The following ADGRD2 variants were observed in gnomAD, a reference collection of about 807,000 sequenced individuals.
ADGRD2 encodes the protein adhesion G protein-coupled receptor D2, also known as G protein-coupled receptor PGR24.
Under a neutral mutation model 44.4 loss-of-function variants are expected in ADGRD2, and 71 were observed. That is an observed-to-expected ratio of 1.60 (90% CI 1.32 to 1.95). The LOEUF is 1.95. Ranked by LOEUF, ADGRD2 falls within the 30% of genes most tolerant of loss-of-function variation. ADGRD2 has a pLI of 0.00. For missense variants in ADGRD2, 1,039 were observed against 512.4 expected (o/e 2.03, Z -9.92); for synonymous variants, 481 against 224.8 (o/e 2.14, Z -10.19).
rs1831986512 is a variant in ADGRD2, at chr9:124,473,284, G to A, written c.2759-2162G>A. On this transcript the variant is annotated intron_variant, in intron 17 of 21. Coordinates refer to ENST00000334810, the Ensembl canonical transcript of ADGRD2. Reference sequence around the variant, plus strand: ...CATTCACTCTCTAGGAGTAATTTGTGTCCTTCTGGCCACTGTGCCGGGTTG... The same window carrying A: ...CATTCACTCTCTAGGAGTAATTTGTATCCTTCTGGCCACTGTGCCGGGTTG... 2.0e-5 allele frequency among the ~76,000 whole-genome samples: 3 copies of A among 152,242 alleles called. No individual in the cohort carries two copies. The South Asian group carries it at 6.2e-4, about 31-fold the overall frequency.
intron 2 of ADGRD2, 30 bp downstream of exon 5, chr9:124,452,752 A>G (rs1243667270): frequency 1.4e-6 from 1 of 699,922 alleles, no homozygotes; most frequent in East Asian, 2.7e-5. Flanking sequence ...AAATGGGAGC[A>G]AGGGGCAGAG....
In ADGRD2 at chr9:124,452,485, C is replaced by T. The variant is rs116795629; in HGVS notation, c.69-25C>T. ...GTCAGATGCCCACAAAATGCACCCC[C>T]CACCGTCTCTCTTATCGTTTTTAGC... On this transcript the variant is annotated intron_variant, in intron 1 of 21. Coordinates refer to ENST00000334810, the Ensembl canonical transcript of ADGRD2. 1.8e-3 allele frequency: 1,289 copies of T among 718,352 alleles called. 13 individuals carry two copies. The African/African-American group carries it at 0.021, about 12-fold the overall frequency. The allele number at this position is 718,352 out of a possible 1,614,324, so 44.5% of individuals were successfully genotyped here. A position where few individuals can be genotyped will look rare whatever the true frequency, so the allele number is the denominator to read the frequency against.
intron 16 of ADGRD2, among the ~76,000 whole-genome samples, chr9:124,469,994 G>A (rs1199512683): frequency 6.6e-6 from 1 of 152,132 alleles, no homozygotes; most frequent in African/African-American, 2.4e-5. Flanking sequence ...TCGCCCTCTG[G>A]GGTCACACTC....
At chr9:124,458,044 C>A (rs963231960) in intron 8 of ADGRD2, 69 bp from the exon 12 acceptor site, 2 of 711,348 alleles carry the variant, frequency 2.8e-6, no homozygotes, top group African/African-American at 3.5e-5. Flanking sequence ...AGAGCATCAC[C>A]CTCGGGGCCA....
chr9:124,453,062 T>A (rs767646434), exon 3 of ADGRD2: 1 of 676,014 alleles, frequency 1.5e-6, no homozygotes, highest in South Asian at 1.6e-5. Flanking sequence ...GTGCTGGTGT[T>A]CGACGAGAGG....
At chr9:124,474,300 AG>A (rs1832005975) in intron 17 of ADGRD2, among the ~76,000 whole-genome samples, 2 of 135,338 alleles carry the variant, frequency 1.5e-5, no homozygotes, top group Non-Finnish European at 3.2e-5. Flanking sequence ...AAAAAAAAAG[AG>A]CTCAGATTTT....
At chr9:124,457,477 G>A in exon 8 of ADGRD2, 2 of 627,620 alleles carry the variant, frequency 3.2e-6, no homozygotes, top group Non-Finnish European at 5.8e-6. Context: ...CCCAGGCCTG[G>A]AGGTGCGGAG....
chr9:124,453,879 C>T, intron 3 of ADGRD2, 120 bp from the exon 7 acceptor site: 1 of 597,620 alleles, frequency 1.7e-6, no homozygotes, highest in Non-Finnish European at 3.0e-6. Flanking sequence ...CTTACCCCCA[C>T]CCCGAGCTGG....
chr9:124,460,778 T>A (rs993981767), intron 10 of ADGRD2, among the ~76,000 whole-genome samples: 1 of 152,210 alleles, frequency 6.6e-6, no homozygotes, highest in Non-Finnish European at 1.5e-5. Context: ...CATATACAAG[T>A]CTTTTTGTGG....
At chr9:124,468,446 G>C (rs1831875381) in intron 13 of ADGRD2, 73 bp from the exon 17 acceptor site, 1 of 713,936 alleles carries the variant, frequency 1.4e-6, no homozygotes, top group Non-Finnish European at 2.6e-6. Context: ...GGCCGGGCTG[G>C]GCATGGGCCG....
At chr9:124,452,592 C>G in exon 2 of ADGRD2, 1 of 718,490 alleles carries the variant, frequency 1.4e-6, no homozygotes, top group South Asian at 1.5e-5. Flanking sequence ...GGTGGCAGGC[C>G]CAAGAGTCCT....
At position 124,454,541 on chromosome 9, in the gene ADGRD2, G is replaced by A. The variant is rs370028287; in HGVS notation, c.1082G>A (p.Arg361Gln). 21 of 717,078 alleles carry A rather than the reference G, an allele frequency of 2.9e-5. No homozygotes were observed. The highest frequency in any genetic ancestry group is 8.7e-5 in the African/African-American group (5 of 57,244). 44.4% of individuals were successfully genotyped at this position (717,078 alleles called of 1,614,324 possible). ...TGGCCTGGCCAGGATGTTATCAGCC[G>A]AGTCAATGCCTTGGCCAACGACATT... Residue 361 changes from arginine (R) to glutamine (Q), a missense_variant, in exon 5 of 22, where the codon CGA becomes CAA. Physicochemically the swap from Arg to Gln is conservative, Grantham distance 43. Transcript: ENST00000334810. This position sits in a 1 kb window ranked among gnomAD's most constrained non-coding sequence, Gnocchi z 4.5.
exon 10 of ADGRD2, chr9:124,458,696 C>G (rs1831667475): frequency 1.4e-6 from 1 of 718,474 alleles, no homozygotes; most frequent in South Asian, 1.5e-5. Context: ...GTGGCCATGA[C>G]CTTTCATCTC....
At position 124,456,655 on chromosome 9, in the gene ADGRD2, G is replaced by T. The variant is rs374408358; in HGVS notation, c.1429G>T (p.Val477Leu). The T allele has an allele frequency of 7.0e-6, 5 of 717,650 alleles. No individual in the cohort carries two copies. The African/African-American group carries it at 8.7e-5, about 13-fold the overall frequency. 44.5% of individuals were successfully genotyped at this position (717,650 alleles called of 1,614,324 possible). ...TGGGCCTATGGCCCTGGTGGCGAGTGTGCAGCGCCTGGCACCCCTGCTGAG... is the reference window on the plus strand; with the variant it reads ...TGGGCCTATGGCCCTGGTGGCGAGTTTGCAGCGCCTGGCACCCCTGCTGAG... The change falls in exon 7 of 22, where the codon GTG becomes TTG. Residue 477 changes from valine (V) to leucine (L), a missense_variant. Physicochemically the swap from Val to Leu is conservative, Grantham distance 32. Transcript: ENST00000334810.
chr9:124,451,307 A>C (rs1272214662), upstream of ADGRD2: 1 of 450,002 alleles, frequency 2.2e-6, no homozygotes, highest in African/African-American at 2.0e-5. Flanking sequence ...CGCTGCAGGG[A>C]CCCTGAGCTC....
chr9:124,455,735 C>T (rs906031069), intron 6 of ADGRD2, among the ~76,000 whole-genome samples: 3 of 152,166 alleles, frequency 2.0e-5, no homozygotes, highest in African/African-American at 7.2e-5. Context: ...GACAGTCCAC[C>T]TTGTCTGCCT....
chr9:124,452,992 C>A (rs868567126), intron 2 of ADGRD2, 43 bp from the exon 6 acceptor site: 1 of 626,462 alleles, frequency 1.6e-6, no homozygotes. Context: ...GGACCATGTG[C>A]ACAGGTGAGG....
At chr9:124,458,077 C>G (rs1334975012) in intron 8 of ADGRD2, 36 bp from the exon 12 acceptor site, 2 of 717,848 alleles carry the variant, frequency 2.8e-6, no homozygotes, top group Non-Finnish European at 5.2e-6. Flanking sequence ...TGCCCAGCCA[C>G]CGGGTGGTGC....
rs75022781 is a variant in ADGRD2, at chr9:124,468,327, G to A, written c.2233+137G>A. 5,106 of 678,318 alleles carry A rather than the reference G, an allele frequency of 7.5e-3. 110 individuals carry two copies. Among genetic ancestry groups the A allele is most frequent in the East Asian group, 0.059 (2,194 of 37,070 alleles). The allele number at this position is 678,318 out of a possible 1,614,324, so 42.0% of individuals were successfully genotyped here. ...GGGGAGGAGCAGGGCCCGGGGAGGA[G>A]CAGGGCCCCGGGAGGAAAGGGCCCT... On this transcript the variant is annotated intron_variant, in intron 13 of 21. Transcript: ENST00000334810.
Sources: allele counts gnomAD v4.1 joint callset (sites outside exome capture counted in the v4.1 genomes callset), GRCh38; gene constraint gnomAD v4.1.1; non-coding constraint Gnocchi (gnomAD v3.1); transcripts MANE v1.5; gene names NCBI Gene and HGNC (gene_info 2026-07-23, HGNC 2026-07-21).